The following MAOB variants were observed in gnomAD, a reference collection of about 807,000 sequenced individuals.
MAOB encodes the protein amine oxidase [flavin-containing] B.
Under a neutral mutation model 41.9 loss-of-function variants are expected in MAOB, and 15 were observed. The observed-to-expected ratio is 0.36, with a 90% CI of 0.24 to 0.55. The LOEUF (loss-of-function observed/expected upper bound fraction) is 0.55, where lower values mean the gene tolerates loss of function less well. MAOB is among the 20% of genes least tolerant of loss of function. The pLI is 0.86. For missense variants in MAOB, 345 were observed against 398.7 expected (o/e 0.87, Z 1.15); for synonymous variants, 167 against 144.2 (o/e 1.16, Z -1.13).
At chrX:43,785,444 A>T (rs138507396) in intron 8 of MAOB, among the ~76,000 whole-genome samples, 1,333 of 112,732 alleles carry the variant, frequency 0.012, 21 homozygotes, top group African/African-American at 0.041. Context: ...TATTCAGATC[A>T]TTCAGTTCTC....
chrX:43,827,885 T>A (rs1432116729), intron 3 of MAOB, among the ~76,000 whole-genome samples: 2 of 111,789 alleles, frequency 1.8e-5, no homozygotes, highest in Admixed American at 1.9e-4. Context: ...CTGCTTTTTC[T>A]CCCAGGATTC....
At chrX:43,797,294 T>G in intron 5 of MAOB, 28 bp from the exon 6 acceptor site, 4 of 1,121,376 alleles carry the variant, frequency 3.6e-6, no homozygotes, top group Non-Finnish European at 4.7e-6. Flanking sequence ...AGAGCAAACT[T>G]GGCAAACGCA....
At chrX:43,866,951 T>A (rs1236444716) in intron 1 of MAOB, among the ~76,000 whole-genome samples, 1 of 112,316 alleles carries the variant, frequency 8.9e-6, no homozygotes, top group Non-Finnish European at 1.9e-5. Flanking sequence ...GAAGATGGGT[T>A]ACTTATCCAT....
At chrX:43,834,366 A>T (rs1012293958) in intron 3 of MAOB, among the ~76,000 whole-genome samples, 2 of 111,671 alleles carry the variant, frequency 1.8e-5, no homozygotes, top group African/African-American at 6.5e-5. Flanking sequence ...GGACCTAGAG[A>T]AGACTGGATA....
chrX:43,784,006 A>T (rs1343043134), intron 8 of MAOB, among the ~76,000 whole-genome samples: 3 of 112,200 alleles, frequency 2.7e-5, no homozygotes, highest in Non-Finnish European at 5.6e-5. Context: ...TTCTTTGCAC[A>T]TCCATAAGAA....
intron 3 of MAOB, among the ~76,000 whole-genome samples, chrX:43,816,690 C>T (rs773546585): frequency 1.8e-5 from 2 of 112,069 alleles, no homozygotes; most frequent in South Asian, 7.4e-4. Flanking sequence ...AAGGTAATTT[C>T]CCTGGAAAGG....
chrX:43,791,961 G>A (rs967293960), intron 8 of MAOB, among the ~76,000 whole-genome samples: 1 of 111,754 alleles, frequency 8.9e-6, no homozygotes, highest in Admixed American at 9.5e-5. Flanking sequence ...TGTTGAATAT[G>A]TGCAAGTGAA....
chrX:43,806,050 A>T (rs1375474557), intron 3 of MAOB, among the ~76,000 whole-genome samples: 3 of 112,683 alleles, frequency 2.7e-5, no homozygotes, highest in African/African-American at 9.7e-5. Context: ...TATTTGTTTT[A>T]TAAAAAAGTT....
chrX:43,802,053 G>T, intron 5 of MAOB, 119 bp downstream of exon 5: 1 of 563,216 alleles, frequency 1.8e-6, no homozygotes, highest in Non-Finnish European at 3.0e-6. Flanking sequence ...GCATGCCACT[G>T]GCTGGTGGTG....
At chrX:43,882,213 G>A (rs374116454) in intron 1 of MAOB, 41 bp downstream of exon 1, 4 of 1,203,135 alleles carry the variant, frequency 3.3e-6, no homozygotes, top group Non-Finnish European at 4.5e-6. Context: ...CCACCTGTCC[G>A]AGCGCGTGAA....
chrX:43,866,968 A>G (rs947792204), intron 1 of MAOB, among the ~76,000 whole-genome samples: 1 of 112,631 alleles, frequency 8.9e-6, no homozygotes, highest in African/African-American at 3.2e-5. Flanking sequence ...CCATCAAATC[A>G]TGTTAGTCAC....
At chrX:43,866,466 G>A (rs1280393710) in intron 1 of MAOB, among the ~76,000 whole-genome samples, 1 of 112,167 alleles carries the variant, frequency 8.9e-6, no homozygotes, top group Non-Finnish European at 1.9e-5. Flanking sequence ...GGACACAAAA[G>A]GACACATTCT....
intron 1 of MAOB, among the ~76,000 whole-genome samples, chrX:43,870,272 A>G (rs904862573): frequency 8.0e-5 from 9 of 112,239 alleles, no homozygotes; most frequent in Non-Finnish European, 1.3e-4. Flanking sequence ...TAAAAGAAGG[A>G]ATCCATATTT....
Position 43,882,394 on chromosome X carries a change from C to T in MAOB, c.-95G>A. The T allele has an allele frequency of 1.8e-6, 2 of 1,113,814 alleles. No individual in the cohort carries two copies. Among genetic ancestry groups the T allele is most frequent in the Non-Finnish European group, 2.4e-6 (2 of 849,453 alleles). 91.8% of individuals were successfully genotyped at this position (1,113,814 alleles called of 1,213,427 possible). A position where few individuals can be genotyped will look rare whatever the true frequency, so the allele number is the denominator to read the frequency against. On this transcript the variant is annotated 5_prime_UTR_variant, in exon 1 of 15. Coordinates refer to ENST00000378069, the MANE Select transcript of MAOB (RefSeq NM_000898.5). ...CCTGCCAGCCAGCCCGCCCGCCTGC[C>T]CGCCGGCCTGCTGCGCGCTGCCCCC...
intron 3 of MAOB, among the ~76,000 whole-genome samples, chrX:43,814,185 C>A (rs781360828): frequency 2.7e-5 from 3 of 110,801 alleles, no homozygotes; most frequent in Non-Finnish European, 5.7e-5. Flanking sequence ...TCCAACTGGA[C>A]TGTCCCCTTG....
At chrX:43,780,316 G>A (rs761126613) in intron 10 of MAOB, 26 bp downstream of exon 10, 7 of 1,173,711 alleles carry the variant, frequency 6.0e-6, no homozygotes, top group African/African-American at 3.5e-5. Context: ...AGGAAGAAAC[G>A]AAAGAAGCAG....
At chrX:43,877,590 A>G (rs2035447952) in intron 1 of MAOB, among the ~76,000 whole-genome samples, 1 of 112,194 alleles carries the variant, frequency 8.9e-6, no homozygotes, top group South Asian at 3.6e-4. Context: ...TAAATAAATA[A>G]TATCATTTGT....
At chrX:43,865,042 C>T (rs2035356204) in intron 1 of MAOB, among the ~76,000 whole-genome samples, 1 of 111,971 alleles carries the variant, frequency 8.9e-6, no homozygotes, top group Admixed American at 9.5e-5. Context: ...AGCAGTTTCG[C>T]TCCCGGGTAT....
In MAOB at chrX:43,880,595, G is replaced by C. The variant is rs932590560; in HGVS notation, c.46+1659C>G. Among the ~76,000 whole-genome samples, 5 of 112,472 alleles carry C rather than the reference G, an allele frequency of 4.4e-5. No individual in the cohort carries two copies. The East Asian group carries it at 1.4e-3, about 32-fold the overall frequency. ...AATGCCTATTCCGTGGAATGTTCTT[G>C]AGAAAAGTCAGATCTACTCATCAGT... On this transcript the variant is annotated intron_variant, in intron 1 of 14. Coordinates refer to ENST00000378069, the MANE Select transcript of MAOB (RefSeq NM_000898.5).
Sources: allele counts gnomAD v4.1 joint callset (sites outside exome capture counted in the v4.1 genomes callset), GRCh38; gene constraint gnomAD v4.1.1; transcripts MANE v1.5; gene names NCBI Gene and HGNC (gene_info 2026-07-23, HGNC 2026-07-21).